CNIH1: variants seen among roughly 807,000 people sequenced by gnomAD.
CNIH1 encodes protein cornichon homolog 1.
CNIH1 carries 12 observed loss-of-function variants against 20.2 expected under a neutral mutation model. That is an observed-to-expected ratio of 0.59 (90% confidence interval 0.38 to 0.96). The LOEUF (loss-of-function observed/expected upper bound fraction) is 0.96, where lower values mean the gene tolerates loss of function less well. Among genes scored for constraint, CNIH1 ranks in the 40% least tolerant of loss-of-function variants. CNIH1 has a pLI of 0.00. For synonymous variants in CNIH1, 69 were observed against 63.3 expected, an observed-to-expected ratio of 1.09 and a Z score of -0.43; for missense variants, 152 against 178.8, an observed-to-expected ratio of 0.85 and a Z score of 0.85.
At chr14:54,440,951 C>G (rs867817439) in intron 1 of CNIH1, among the ~76,000 whole-genome samples, 110 of 151,828 alleles carry the variant, frequency 7.2e-4, no homozygotes, top group Middle Eastern at 6.8e-3. Flanking sequence ...TCGGTGCGAA[C>G]GCAGCGCGGA....
At chr14:54,432,319 C>A in intron 2 of CNIH1, 99 bp from the exon 3 acceptor site, 1 of 546,584 alleles carries the variant, frequency 1.8e-6, no homozygotes, top group Non-Finnish European at 3.2e-6. Flanking sequence ...AATGAAAAAT[C>A]ACTGTTTTCT....
At chr14:54,439,827 G>C (rs528813048) in intron 1 of CNIH1, among the ~76,000 whole-genome samples, 5 of 152,214 alleles carry the variant, frequency 3.3e-5, no homozygotes, top group Admixed American at 3.3e-4. Context: ...TGGGATTACA[G>C]GAGTGAGCCA....
intron 1 of CNIH1, 108 bp downstream of exon 1, chr14:54,441,139 C>G (rs923689029): frequency 8.5e-7 from 1 of 1,170,222 alleles, no homozygotes; most frequent in East Asian, 3.7e-5. Flanking sequence ...CGGGCCGCAT[C>G]CCCGACGCGC....
chr14:54,436,532 C>A (rs2031057195), intron 1 of CNIH1, 95 bp from the exon 2 acceptor site: 1 of 706,112 alleles, frequency 1.4e-6, no homozygotes, highest in South Asian at 1.7e-5. Flanking sequence ...GTTAATAAAA[C>A]AAGAACAAAA....
At chr14:54,427,886 T>C (rs2030858039) in intron 4 of CNIH1, 45 bp from the exon 5 acceptor site, 2 of 1,578,232 alleles carry the variant, frequency 1.3e-6, no homozygotes, top group Non-Finnish European at 8.7e-7. Flanking sequence ...TACTAATTAT[T>C]AAAAAAAAAC....
Position 54,424,164 on chromosome 14 carries a change from T to C in CNIH1, c.*3650A>G, listed in dbSNP as rs570592260. 47 of 152,366 alleles carry C rather than the reference T, an allele frequency of 3.1e-4. 2 individuals are homozygous for C. Among genetic ancestry groups the C allele is most frequent in the African/African-American group, 1.1e-3 (46 of 41,588 alleles). 9.4% of individuals were successfully genotyped at this position (152,366 alleles called of 1,614,324 possible). A position where few individuals can be genotyped will look rare whatever the true frequency, so the allele number is the denominator to read the frequency against. On this transcript the variant is annotated 3_prime_UTR_variant, in exon 5 of 5. Coordinates refer to ENST00000216416, the MANE Select transcript of CNIH1 (RefSeq NM_005776.3). ...CCACAGACTTACTAGCTGCTGGTCA[T>C]ACTGCACATCAATGATTGGTTTGAG...
intron 1 of CNIH1, 177 bp from the exon 2 acceptor site, chr14:54,436,614 A>C (rs1594618887): frequency 1.7e-6 from 1 of 585,026 alleles, no homozygotes; most frequent in East Asian, 2.9e-5. Context: ...TGCGATTTAA[A>C]GTGAAAACAC....
Position 54,432,063 on chromosome 14 carries a change from TAA to T in CNIH1, c.263+43_263+44del, listed in dbSNP as rs370921942. ...ATAACCATATCAACCACAGTATATT[TAA>T]GTTTTAATTTAAAAAAATATTAAAA... On this transcript the variant is annotated intron_variant, in intron 3 of 4. Transcript: ENST00000216416. 785 of 1,028,304 alleles carry T rather than the reference TAA, an allele frequency of 7.6e-4. 2 individuals are homozygous for T. In the African/African-American group the frequency reaches 0.012, roughly 16 times the overall value. The allele number at this position is 1,028,304 out of a possible 1,614,324, so 63.7% of individuals were successfully genotyped here.
At position 54,427,558 on chromosome 14, in the gene CNIH1, C is replaced by T. The variant is rs111490953; in HGVS notation, c.*256G>A. The T allele has an allele frequency of 2.0e-4, 95 of 472,368 alleles. 2 individuals carry two copies. The highest frequency in any genetic ancestry group is 1.6e-3 in the African/African-American group (83 of 50,736). 29.3% of individuals were successfully genotyped at this position (472,368 alleles called of 1,614,324 possible). On this transcript the variant is annotated 3_prime_UTR_variant, in exon 5 of 5. Transcript: ENST00000216416. ...GTTCCTTAAGAAGTGCAAGTTCAAA[C>T]CTGTCAACACCAGAGGTAATCATTT...
chr14:54,440,620 G>A (rs2031150263), intron 1 of CNIH1, among the ~76,000 whole-genome samples: 1 of 152,174 alleles, frequency 6.6e-6, no homozygotes. Context: ...AACTCCAGCG[G>A]TCAAAGTATG....
intron 2 of CNIH1, among the ~76,000 whole-genome samples, chr14:54,435,082 C>G (rs971047463): frequency 6.6e-6 from 1 of 152,220 alleles, no homozygotes; most frequent in Non-Finnish European, 1.5e-5. Flanking sequence ...AAAATCTACA[C>G]AAACTCTCCC....
chr14:54,428,561 T>C (rs544959428), intron 4 of CNIH1, among the ~76,000 whole-genome samples: 16 of 152,356 alleles, frequency 1.1e-4, no homozygotes, highest in African/African-American at 3.4e-4. Context: ...GGTGCTACCA[T>C]ATCCTGCTGA....
chr14:54,430,132 G>T, intron 4 of CNIH1, 129 bp downstream of exon 4: 1 of 953,160 alleles, frequency 1.0e-6, no homozygotes, highest in South Asian at 1.6e-5. Context: ...GAATTTGCTG[G>T]TGTGCACCAT....
At position 54,434,244 on chromosome 14, in the gene CNIH1, C is replaced by T. The variant is rs117326009; in HGVS notation, c.151-2024G>A. Among the ~76,000 whole-genome samples the T allele has an allele frequency of 8.1e-3, 1,237 of 152,320 alleles. 8 individuals are homozygous for T. The highest frequency in any genetic ancestry group is 0.011 in the Non-Finnish European group (742 of 68,016). ...ATTCAGCCAATTATTGGCACCCTAT[C>T]CAAAAGGCAACCTGTGCTGCTATAA... On this transcript the variant is annotated intron_variant, in intron 2 of 4. Transcript: ENST00000216416.
At chr14:54,430,528 T>A in intron 3 of CNIH1, 124 bp from the exon 4 acceptor site, 1 of 884,292 alleles carries the variant, frequency 1.1e-6, no homozygotes, top group Non-Finnish European at 1.7e-6. Context: ...TTCTTTTACT[T>A]ATGGGTAAAA....
intron 4 of CNIH1, among the ~76,000 whole-genome samples, chr14:54,428,818 C>T (rs566498030): frequency 6.6e-6 from 1 of 152,306 alleles, no homozygotes; most frequent in Non-Finnish European, 1.5e-5. Context: ...TACTCATTTT[C>T]ACAGTAATAG....
intron 2 of CNIH1, 136 bp downstream of exon 2, chr14:54,436,233 G>A: frequency 1.4e-6 from 1 of 700,770 alleles, no homozygotes. Context: ...GGAAAAAGAA[G>A]ATTTTTTAAA....
At position 54,424,019 on chromosome 14, in the gene CNIH1, T is replaced by C. The variant is rs2030779359; in HGVS notation, c.*3795A>G. On this transcript the variant is annotated 3_prime_UTR_variant, in exon 5 of 5. Transcript: ENST00000216416. ...ACATTTAGCTTTGGAACTTTGAATT[T>C]CAAAGTAAAATTGTTATAAGAAAGC... is the stretch of plus-strand genomic sequence containing the variant. 6.6e-6 allele frequency: 1 copy of C among 152,196 alleles called. No individual in the cohort carries two copies. Among genetic ancestry groups the C allele is most frequent in the Non-Finnish European group, 1.5e-5 (1 of 68,032 alleles). 9.4% of individuals were successfully genotyped at this position (152,196 alleles called of 1,614,324 possible).
At chr14:54,440,497 A>C (rs2031147737) in intron 1 of CNIH1, among the ~76,000 whole-genome samples, 1 of 152,220 alleles carries the variant, frequency 6.6e-6, no homozygotes, top group South Asian at 2.1e-4. Context: ...ACAGAAATAA[A>C]TACTGCCCCA....
Sources: allele counts gnomAD v4.1 joint callset (sites outside exome capture counted in the v4.1 genomes callset), GRCh38; gene constraint gnomAD v4.1.1; transcripts MANE v1.5; gene names NCBI Gene and HGNC (gene_info 2026-07-23, HGNC 2026-07-21).